Variants in FGD4 observed in about 807,000 individuals in gnomAD.
FGD4 encodes FYVE, RhoGEF and PH domain-containing protein 4.
In FGD4, 42 loss-of-function variants were observed where a neutral mutation model predicts 102.0. The observed-to-expected ratio is 0.41, with a 90% CI of 0.32 to 0.53. The LOEUF is 0.53. FGD4 is among the 20% of genes least tolerant of loss of function. The pLI, the probability that FGD4 is intolerant of heterozygous loss-of-function variation, is 0.21. For synonymous variants in FGD4, 380 were observed against 375.7 expected (o/e 1.01, Z -0.13); for missense variants, 902 against 1,078.2 (o/e 0.84, Z 2.29).
intron 1 of FGD4, among the ~76,000 whole-genome samples, chr12:32,405,389 A>T (rs1314421507): frequency 6.6e-6 from 1 of 150,960 alleles, no homozygotes; most frequent in East Asian, 2.0e-4. Context: ...CCTCCCGAGT[A>T]GCTGGGATTA....
rs547823891 is a variant in FGD4 at position 32,411,091 on chromosome 12, G to T, written c.166+11132G>T. 5.3e-5 allele frequency among the ~76,000 whole-genome samples: 8 copies of T among 150,768 alleles called. No individual in the cohort carries two copies. In the East Asian group the frequency reaches 1.4e-3, roughly 27 times the overall value. On this transcript the variant is annotated intron_variant, in intron 1 of 16. Coordinates refer to ENST00000534526, the MANE Select transcript of FGD4 (RefSeq NM_001370298.3). ...GATTACAGGCGCGCCACCACGCCCGGCTAATTTTTGTATTTTTAGTAGAGA... is the reference window on the plus strand; with the variant it reads ...GATTACAGGCGCGCCACCACGCCCGTCTAATTTTTGTATTTTTAGTAGAGA...
chr12:32,629,678 T>G (rs1950385892), intron 14 of FGD4, among the ~76,000 whole-genome samples: 1 of 152,216 alleles, frequency 6.6e-6, no homozygotes, highest in African/African-American at 2.4e-5. Flanking sequence ...TCTCCCATTT[T>G]GTTCATTTAC....
chr12:32,547,798 C>T (rs1435081174), intron 1 of FGD4, among the ~76,000 whole-genome samples: 1 of 152,190 alleles, frequency 6.6e-6, no homozygotes, highest in Non-Finnish European at 1.5e-5. Context: ...TCTCCGCCTC[C>T]CGGGTTCAAG....
intron 1 of FGD4, among the ~76,000 whole-genome samples, chr12:32,537,484 C>T (rs1203398334): frequency 6.6e-6 from 1 of 152,162 alleles, no homozygotes; most frequent in Non-Finnish European, 1.5e-5. Flanking sequence ...ATAATTGCCA[C>T]TTCTCTGCTC....
chr12:32,637,860 C>G (rs1403208023), intron 15 of FGD4: 2 of 152,216 alleles, frequency 1.3e-5, no homozygotes, highest in African/African-American at 2.4e-5. Flanking sequence ...TATCAGGTCT[C>G]TCCCTCGACA....
At chr12:32,616,364 C>G (rs1275159829) in intron 10 of FGD4, among the ~76,000 whole-genome samples, 2 of 152,206 alleles carry the variant, frequency 1.3e-5, no homozygotes, top group Non-Finnish European at 2.9e-5. Context: ...CCCTCCTGTT[C>G]CAGTTACTTT....
chr12:32,616,962 C>T (rs952737240), intron 10 of FGD4, among the ~76,000 whole-genome samples: 1 of 151,560 alleles, frequency 6.6e-6, no homozygotes, highest in African/African-American at 2.4e-5. Context: ...TCATAACATG[C>T]AGAAGGCAGG....
chr12:32,484,347 T>G (rs1258219612), intron 1 of FGD4, among the ~76,000 whole-genome samples: 3 of 137,884 alleles, frequency 2.2e-5, no homozygotes, highest in African/African-American at 7.8e-5. Flanking sequence ...TCAAAGTGCT[T>G]TAAGGTAACA....
intron 1 of FGD4, among the ~76,000 whole-genome samples, chr12:32,488,344 C>T (rs949784446): frequency 6.6e-6 from 1 of 152,030 alleles, no homozygotes; most frequent in Non-Finnish European, 1.5e-5. Context: ...TTAAGTGTGC[C>T]TTCTATTTAA....
chr12:32,473,857 G>A (rs1943507828), intron 1 of FGD4, among the ~76,000 whole-genome samples: 1 of 152,138 alleles, frequency 6.6e-6, no homozygotes, highest in East Asian at 1.9e-4. Flanking sequence ...GGAGGCTGAG[G>A]CGGGCAGATA....
chr12:32,495,721 T>C, intron 1 of FGD4, among the ~76,000 whole-genome samples: 1 of 127,618 alleles, frequency 7.8e-6, no homozygotes, highest in African/African-American at 3.5e-5. Context: ...AAGAAGCTTT[T>C]CAGAATCCCC....
At chr12:32,624,270 G>T in intron 11 of FGD4, 152 bp from the exon 12 acceptor site, 1 of 656,016 alleles carries the variant, frequency 1.5e-6, no homozygotes. Context: ...AATTTTATTT[G>T]TTTAATTGCC....
At chr12:32,525,813 C>G (rs544867442) in intron 1 of FGD4, among the ~76,000 whole-genome samples, 23 of 152,366 alleles carry the variant, frequency 1.5e-4, no homozygotes, top group South Asian at 4.1e-4. Flanking sequence ...GACTTAGCAC[C>G]CGGGCCAGTG....
chr12:32,637,737 G>A (rs2137067267), intron 15 of FGD4: 1 of 152,380 alleles, frequency 6.6e-6, no homozygotes, highest in East Asian at 1.9e-4. Context: ...GCGAGAGTGA[G>A]CAAGTGTATG....
At chr12:32,488,034 T>C (rs1390259871) in intron 1 of FGD4, among the ~76,000 whole-genome samples, 1 of 152,178 alleles carries the variant, frequency 6.6e-6, no homozygotes, top group African/African-American at 2.4e-5. Flanking sequence ...ACTAGATCCA[T>C]GCATAGGAGA....
intron 4 of FGD4, chr12:32,582,976 T>A (rs1347630692): frequency 6.5e-6 from 1 of 153,320 alleles, no homozygotes; most frequent in African/African-American, 2.4e-5. Flanking sequence ...TTAATTTTTT[T>A]AAGTTTTCTA....
intron 1 of FGD4, among the ~76,000 whole-genome samples, chr12:32,473,463 C>T (rs1943489037): frequency 1.3e-5 from 2 of 151,988 alleles, no homozygotes; most frequent in Non-Finnish European, 2.9e-5. Context: ...ACACTCACCG[C>T]AAAGGTCTGC....
intron 4 of FGD4, among the ~76,000 whole-genome samples, chr12:32,597,367 A>G (rs7979016): frequency 0.28 from 42,945 of 152,112 alleles, 6,313 homozygotes; most frequent in Middle Eastern, 0.48. Flanking sequence ...AGCAGTCAGG[A>G]TGCCATGGTA....
At chr12:32,572,498 A>C (rs1438026476) in intron 2 of FGD4, among the ~76,000 whole-genome samples, 3 of 152,212 alleles carry the variant, frequency 2.0e-5, no homozygotes, top group African/African-American at 7.2e-5. Context: ...AAAAAATCTA[A>C]ATAAATAAAT....
Sources: allele counts gnomAD v4.1 joint callset (sites outside exome capture counted in the v4.1 genomes callset), GRCh38; gene constraint gnomAD v4.1.1; transcripts MANE v1.5; gene names NCBI Gene and HGNC (gene_info 2026-07-23, HGNC 2026-07-21).